Variants in PIK3CA observed in about 807,000 individuals in gnomAD.
The protein encoded by PIK3CA is phosphatidylinositol 4,5-bisphosphate 3-kinase catalytic subunit alpha isoform.
A neutral mutation model predicts 138.2 loss-of-function variants in PIK3CA; 27 were observed. The ratio of observed to expected loss-of-function variants is 0.20; its 90% CI spans 0.14 to 0.27. The LOEUF (loss-of-function observed/expected upper bound fraction) is 0.27, where lower values mean the gene tolerates loss of function less well. Ranked by LOEUF, PIK3CA falls within the 10% of genes least tolerant of loss-of-function variation. PIK3CA has a pLI of 1.00. For synonymous variants in PIK3CA, 358 were observed against 413.2 expected (o/e 0.87, Z 1.62); for missense variants, 544 against 1,277.4 (o/e 0.43, Z 8.75).
rs528831174 is a variant in PIK3CA at position 179,236,803 on chromosome 3, G to A, written c.*2439G>A. 2.3e-5 allele frequency: 5 copies of A among 213,284 alleles called. No homozygotes were observed. The highest frequency in any genetic ancestry group is 4.5e-5 in the African/African-American group (2 of 44,256). 13.2% of individuals were successfully genotyped at this position (213,284 alleles called of 1,614,324 possible). A position where few individuals can be genotyped will look rare whatever the true frequency, so the allele number is the denominator to read the frequency against. On this transcript the variant is annotated 3_prime_UTR_variant, in exon 21 of 21. Transcript: ENST00000263967. Reference sequence around the variant, plus strand: ...ATAGATTGTGACCTAAGAAAGAAATGAGGCAAAGAACCAAACATTGAATTA... The same window carrying A: ...ATAGATTGTGACCTAAGAAAGAAATAAGGCAAAGAACCAAACATTGAATTA...
At chr3:179,160,205 C>T (rs1314676507) in intron 1 of PIK3CA, among the ~76,000 whole-genome samples, 1 of 152,154 alleles carries the variant, frequency 6.6e-6, no homozygotes, top group Non-Finnish European at 1.5e-5. Flanking sequence ...TTGTCAGCTC[C>T]ATTAATCTTA....
intron 7 of PIK3CA, 127 bp from the exon 8 acceptor site, chr3:179,210,059 A>AG: frequency 1.5e-6 from 1 of 671,260 alleles, no homozygotes; most frequent in Non-Finnish European, 2.3e-6. Context: ...TTGAAAAATC[A>AG]ATTTTTTTTT....
intron 1 of PIK3CA, chr3:179,169,245 T>G (rs1723491564): frequency 6.6e-6 from 1 of 152,244 alleles, no homozygotes; most frequent in Non-Finnish European, 1.5e-5. Context: ...TCCCCCTGCC[T>G]TCTCCCCTCC....
At chr3:179,216,228 C>CA (rs1324231575) in intron 9 of PIK3CA, among the ~76,000 whole-genome samples, 1 of 152,084 alleles carries the variant, frequency 6.6e-6, no homozygotes, top group East Asian at 1.9e-4. Context: ...TTTCTAACAA[C>CA]AAAAAGGAAA....
chr3:179,234,430 G>A lies in PIK3CA; in HGVS notation c.*66G>A, dbSNP rs2108430396. ...ACTGCACTGTTAATAACTCTCAGCA[G>A]GCAAAGACCGATTGCATAGGAATTG... On this transcript the variant is annotated 3_prime_UTR_variant, in exon 21 of 21. Coordinates refer to ENST00000263967, the MANE Select transcript of PIK3CA (RefSeq NM_006218.4). This position sits in a 1 kb window ranked among gnomAD's most constrained non-coding sequence, Gnocchi z 5.1. 1 of 1,366,560 alleles carries A rather than the reference G, an allele frequency of 7.3e-7. No individual in the cohort carries two copies. The allele number at this position is 1,366,560 out of a possible 1,614,324, so 84.7% of individuals were successfully genotyped here.
chr3:179,229,168 T>C, intron 17 of PIK3CA, 104 bp from the exon 18 acceptor site: 2 of 830,440 alleles, frequency 2.4e-6, no homozygotes, highest in South Asian at 1.8e-5. Flanking sequence ...GTAAAGGTCA[T>C]GCATGACAAA....
rs923421083 is a variant in PIK3CA at position 179,201,203 on chromosome 3, A to G, written c.563-87A>G. On this transcript the variant is annotated intron_variant, in intron 3 of 20. Coordinates refer to ENST00000263967, the MANE Select transcript of PIK3CA (RefSeq NM_006218.4). ...TTAAAAAGCATTTCTGATATGGATA[A>G]AGTAATGATAGTGAATACTTGTTGA... 5 of 1,091,274 alleles carry G rather than the reference A, an allele frequency of 4.6e-6. No individual in the cohort carries two copies. In the African/African-American group the frequency reaches 7.9e-5, roughly 17 times the overall value. The allele number at this position is 1,091,274 out of a possible 1,614,324, so 67.6% of individuals were successfully genotyped here. A position where few individuals can be genotyped will look rare whatever the true frequency, so the allele number is the denominator to read the frequency against.
At chr3:179,196,272 C>T (rs1029778040) in intron 1 of PIK3CA, among the ~76,000 whole-genome samples, 2 of 152,244 alleles carry the variant, frequency 1.3e-5, no homozygotes, top group East Asian at 3.9e-4. Context: ...AACACAGCTG[C>T]TGTTTTTGTG....
intron 1 of PIK3CA, among the ~76,000 whole-genome samples, chr3:179,172,806 C>T (rs1723592240): frequency 6.6e-6 from 1 of 152,112 alleles, no homozygotes; most frequent in African/African-American, 2.4e-5. Context: ...CAGATTTTCT[C>T]ATAGAAATTG....
chr3:179,195,465 G>A (rs770345286), intron 1 of PIK3CA, among the ~76,000 whole-genome samples: 1 of 152,066 alleles, frequency 6.6e-6, no homozygotes, highest in Non-Finnish European at 1.5e-5. Flanking sequence ...CAACAGTCCA[G>A]TGAAGTAGAT....
At chr3:179,186,509 CT>C (rs1723985355) in intron 1 of PIK3CA, among the ~76,000 whole-genome samples, 2 of 152,234 alleles carry the variant, frequency 1.3e-5, no homozygotes, top group African/African-American at 4.8e-5. Context: ...CCCTTTTATA[CT>C]TTTTTCTTTA....
chr3:179,229,750 GAAA>G (rs549369729), intron 18 of PIK3CA, among the ~76,000 whole-genome samples: 1 of 151,966 alleles, frequency 6.6e-6, no homozygotes, highest in African/African-American at 2.4e-5. Context: ...AAAATGATTA[GAAA>G]AAAATAATTT....
chr3:179,217,279 T>C (rs565812994), intron 9 of PIK3CA, among the ~76,000 whole-genome samples: 1 of 152,308 alleles, frequency 6.6e-6, no homozygotes, highest in South Asian at 2.1e-4. Context: ...GAGTACATTA[T>C]ATCAATTTTC....
intron 1 of PIK3CA, among the ~76,000 whole-genome samples, chr3:179,158,913 G>C (rs1433191990): frequency 7.2e-6 from 1 of 139,420 alleles, no homozygotes; most frequent in African/African-American, 3.0e-5. Flanking sequence ...TTAAGTTTGT[G>C]GAAAATGTAT....
At chr3:179,173,789 C>G (rs1426406810) in intron 1 of PIK3CA, among the ~76,000 whole-genome samples, 1 of 151,998 alleles carries the variant, frequency 6.6e-6, no homozygotes, top group East Asian at 2.0e-4. Flanking sequence ...TGCAATGGCA[C>G]AATCTCGGCA....
intron 9 of PIK3CA, among the ~76,000 whole-genome samples, chr3:179,217,769 G>A (rs1724870361): frequency 6.6e-6 from 1 of 151,968 alleles, no homozygotes; most frequent in Non-Finnish European, 1.5e-5. Context: ...GCTTTGCAGG[G>A]ATCATAAGGA....
intron 3 of PIK3CA, 48 bp downstream of exon 3, chr3:179,199,947 C>A: frequency 1.8e-6 from 2 of 1,122,930 alleles, no homozygotes; most frequent in Non-Finnish European, 2.7e-6. Flanking sequence ...GTGCAGTCTT[C>A]TACCTGTGTC....
chr3:179,227,333 G>A (rs1245581867), intron 17 of PIK3CA, among the ~76,000 whole-genome samples: 1 of 151,710 alleles, frequency 6.6e-6, no homozygotes, highest in Non-Finnish European at 1.5e-5. Flanking sequence ...AGACTTAGAA[G>A]ACAATTAAAT....
At position 179,230,579 on chromosome 3, in the gene PIK3CA, A is replaced by T. The variant is rs1725187611; in HGVS notation, c.2936+203A>T. 6.6e-6 allele frequency among the ~76,000 whole-genome samples: 1 copy of T among 152,056 alleles called. No homozygotes were observed. The highest frequency in any genetic ancestry group is 1.5e-5 in the Non-Finnish European group (1 of 68,002). ...AACCAGCCTGGGTAACATAGAGAGA[A>T]TTCATGTCTACAAAAAAATTTAAAA... On this transcript the variant is annotated intron_variant, in intron 20 of 20. Transcript: ENST00000263967. This position sits in a 1 kb window ranked among gnomAD's most constrained non-coding sequence, Gnocchi z 5.4.
Sources: gnomAD v4.1 joint callset for allele counts (sites outside exome capture counted in the v4.1 genomes callset) on GRCh38, gnomAD v4.1.1 for gene constraint, Gnocchi (gnomAD v3.1) non-coding constraint, MANE v1.5 for transcripts, NCBI Gene and HGNC (gene_info 2026-07-23, HGNC 2026-07-21) for gene names.